C2CD2: variants seen among roughly 807,000 people sequenced by gnomAD.
The protein encoded by C2CD2 is C2 domain-containing protein 2.
Under a neutral mutation model 74.3 loss-of-function variants are expected in C2CD2, and 43 were observed. The observed-to-expected ratio is 0.58, with a 90% CI of 0.45 to 0.75. C2CD2 has a LOEUF of 0.75. C2CD2 is among the 30% of genes least tolerant of loss of function. The probability of loss-of-function intolerance (pLI) is 0.00; values close to 1 mark genes in which losing one functional copy is unlikely to be tolerated. For synonymous variants in C2CD2, 422 were observed against 390.7 expected, an observed-to-expected ratio of 1.08 and a Z score of -0.94; for missense variants, 801 against 916.3, an observed-to-expected ratio of 0.87 and a Z score of 1.63.
chr21:41,952,994 A>C, intron 1 of C2CD2: 3 of 216,550 alleles, frequency 1.4e-5, no homozygotes, highest in Non-Finnish European at 9.1e-6. Context: ...GGTCACAGCT[A>C]TTCATGTATC....
chr21:41,952,290 G>C (rs1395504939), intron 1 of C2CD2, among the ~76,000 whole-genome samples: 1 of 152,230 alleles, frequency 6.6e-6, no homozygotes, highest in African/African-American at 2.4e-5. Flanking sequence ...GATAGTCAAA[G>C]CTTTTTTGTT....
intron 2 of C2CD2, among the ~76,000 whole-genome samples, chr21:41,932,660 G>A (rs1193521438): frequency 6.6e-6 from 1 of 150,730 alleles, no homozygotes; most frequent in African/African-American, 2.4e-5. Flanking sequence ...CCAAAGTGTT[G>A]TGAGTAAACA....
At position 41,926,374 on chromosome 21, in the gene C2CD2, C is replaced by T. The variant is rs1350525252; in HGVS notation, c.379-4289G>A. The T allele has an allele frequency of 1.0e-6, 1 of 960,070 alleles. No individual in the cohort carries two copies. Among genetic ancestry groups the T allele is most frequent in the Non-Finnish European group, 1.2e-6 (1 of 806,902 alleles). 59.5% of individuals were successfully genotyped at this position (960,070 alleles called of 1,614,324 possible). Reference sequence around the variant, plus strand: ...GGCTATTCACGGTAAGTCAGGGTCTCCACATGGAAAGGCCAAGGGGGGACT... The same window carrying T: ...GGCTATTCACGGTAAGTCAGGGTCTTCACATGGAAAGGCCAAGGGGGGACT... On this transcript the variant is annotated intron_variant, in intron 2 of 13. Coordinates refer to ENST00000380486, the MANE Select transcript of C2CD2 (RefSeq NM_015500.2). This position sits in a 1 kb window ranked among gnomAD's most constrained non-coding sequence, Gnocchi z 8.0.
At position 41,945,611 on chromosome 21, in the gene C2CD2, GT is replaced by G. The variant is rs766208257; in HGVS notation, c.280-3367del. Among the ~76,000 whole-genome samples the G allele has an allele frequency of 6.6e-6, 1 of 152,178 alleles. No individual in the cohort carries two copies. Among genetic ancestry groups the G allele is most frequent in the Non-Finnish European group, 1.5e-5 (1 of 68,022 alleles). ...TAAGCAACTGATTCGGTTTGGCTCT[GT>G]TTGTAACCACCATGTGTCAAGAGAG... On this transcript the variant is annotated intron_variant, in intron 1 of 13. Transcript: ENST00000380486. The surrounding 1 kb of genome is among the most constrained non-coding windows in gnomAD (Gnocchi z 4.2).
Position 41,926,393 on chromosome 21 carries a change from G to T in C2CD2, c.379-4308C>A. On this transcript the variant is annotated intron_variant, in intron 2 of 13. Coordinates refer to ENST00000380486, the MANE Select transcript of C2CD2 (RefSeq NM_015500.2). The surrounding 1 kb of genome is among the most constrained non-coding windows in gnomAD (Gnocchi z 8.0). ...GGGTCTCCACATGGAAAGGCCAAGG[G>T]GGGACTCACGGTTGGCAGGTGAGGG... 1.0e-6 allele frequency: 1 copy of T among 980,048 alleles called. No homozygotes were observed. The highest frequency in any genetic ancestry group is 1.2e-6 in the Non-Finnish European group (1 of 825,052). The allele number at this position is 980,048 out of a possible 1,614,324, so 60.7% of individuals were successfully genotyped here. A position where few individuals can be genotyped will look rare whatever the true frequency, so the allele number is the denominator to read the frequency against.
Position 41,953,377 on chromosome 21 carries a change from C to CT in C2CD2, c.271dup (p.Arg91LysfsTer11). ...GCAGTCCCGGAAACTCACCCCTTTC[C>CT]TCTCGGCCTCCTCGTTCAGGGCGGT... On this transcript the variant is annotated frameshift_variant, in exon 1 of 14. Transcript: ENST00000380486. LOFTEE classifies it high-confidence loss of function. The CT allele has an allele frequency of 7.0e-7, 1 of 1,420,028 alleles. No individual in the cohort carries two copies. The highest frequency in any genetic ancestry group is 9.2e-7 in the Non-Finnish European group (1 of 1,083,912). 88.0% of individuals were successfully genotyped at this position (1,420,028 alleles called of 1,614,324 possible).
intron 11 of C2CD2, among the ~76,000 whole-genome samples, chr21:41,904,571 A>AGGAGGGGCAGGGCCTGCGTCCC (rs1244680858): frequency 2.0e-5 from 3 of 152,200 alleles, no homozygotes; most frequent in Non-Finnish European, 2.9e-5. Flanking sequence ...TGGTAACGAA[A>AGGAGGGGCAGGGCCTGCGTCCC]GGAGGGGCAG....
intron 4 of C2CD2, 64 bp downstream of exon 4, chr21:41,918,792 A>T (rs2065121968): frequency 7.9e-7 from 1 of 1,262,802 alleles, no homozygotes; most frequent in African/African-American, 1.5e-5. Flanking sequence ...TCCCCACCGC[A>T]GACTGTCCTA....
In C2CD2 at chr21:41,953,666, C is replaced by A; in HGVS notation, c.-18G>T. On this transcript the variant is annotated 5_prime_UTR_variant, in exon 1 of 14. Transcript: ENST00000380486. ...ATGGCCATGGCGCATCCCCGGCCCG[C>A]CTCGCCCCAACTTCCCCGGCAGCCC... is the stretch of plus-strand genomic sequence containing the variant. 1 of 1,393,860 alleles carries A rather than the reference C, an allele frequency of 7.2e-7. No homozygotes were observed. The highest frequency in any genetic ancestry group is 1.5e-5 in the South Asian group (1 of 65,080). The allele number at this position is 1,393,860 out of a possible 1,614,324, so 86.3% of individuals were successfully genotyped here.
intron 3 of C2CD2, 52 bp from the exon 4 acceptor site, chr21:41,919,012 G>A: frequency 7.9e-7 from 1 of 1,267,056 alleles, no homozygotes; most frequent in Non-Finnish European, 1.2e-6. Context: ...AAGCCTTAAT[G>A]TGCACGTGCG....
chr21:41,948,891 T>TTTTTTTTG (rs2065426470), intron 1 of C2CD2, among the ~76,000 whole-genome samples: 1 of 123,838 alleles, frequency 8.1e-6, no homozygotes, highest in African/African-American at 3.3e-5. Context: ...TTTTTTTTTT[T>TTTTTTTTG]TCTTTTTTTT....
At chr21:41,918,320 TAGGA>T in intron 4 of C2CD2, 93 bp from the exon 5 acceptor site, 1 of 1,345,700 alleles carries the variant, frequency 7.4e-7, no homozygotes. Context: ...CCATGCAAAG[TAGGA>T]AGGAAGGAAA....
chr21:41,953,328 C>G, intron 1 of C2CD2, 42 bp downstream of exon 1: 1 of 1,330,770 alleles, frequency 7.5e-7, no homozygotes, highest in Non-Finnish European at 9.8e-7. Flanking sequence ...ACCGCCCGCC[C>G]CGGCATCTGC....
Position 41,899,885 on chromosome 21 carries a change from G to A in C2CD2, c.1561-523C>T, listed in dbSNP as rs553038488. ...AGAGTCGGGATAGCGCTTCCTTGGA[G>A]GGGGGAAAGTTTGGGGAGGAGGGCA... On this transcript the variant is annotated intron_variant, in intron 12 of 13. Coordinates refer to ENST00000380486, the MANE Select transcript of C2CD2 (RefSeq NM_015500.2). The surrounding 1 kb of genome is among the most constrained non-coding windows in gnomAD (Gnocchi z 4.4). Among the ~76,000 whole-genome samples the A allele has an allele frequency of 6.6e-6, 1 of 151,894 alleles. No individual in the cohort carries two copies. Among genetic ancestry groups the A allele is most frequent in the East Asian group, 1.9e-4 (1 of 5,188 alleles).
intron 10 of C2CD2, among the ~76,000 whole-genome samples, chr21:41,906,610 C>T (rs2146165461): frequency 6.6e-6 from 1 of 152,292 alleles, no homozygotes; most frequent in African/African-American, 2.4e-5. Context: ...GGTGATCTGC[C>T]CGCCTCGGCT....
chr21:41,899,391 GGGATAC>G lies in C2CD2; in HGVS notation c.1561-35_1561-30del. ...TCAGGGGCAGTGGGGAAGATGACAAGGGATACATGAAAGGAAGGGAGGGTTTGAAAA... is the reference window on the plus strand; with the variant it reads ...TCAGGGGCAGTGGGGAAGATGACAAGATGAAAGGAAGGGAGGGTTTGAAAA... On this transcript the variant is annotated intron_variant, in intron 12 of 13. Coordinates refer to ENST00000380486, the MANE Select transcript of C2CD2 (RefSeq NM_015500.2). This position sits in a 1 kb window ranked among gnomAD's most constrained non-coding sequence, Gnocchi z 4.4. 5 of 1,587,924 alleles carry G rather than the reference GGGATAC, an allele frequency of 3.1e-6. No individual in the cohort carries two copies. The highest frequency in any genetic ancestry group is 3.4e-6 in the Non-Finnish European group (4 of 1,170,840).
rs1052444161 is a variant in C2CD2 at position 41,945,158 on chromosome 21, G to C, written c.280-2913C>G. Among the ~76,000 whole-genome samples the C allele has an allele frequency of 3.3e-5, 5 of 152,164 alleles. No individual in the cohort carries two copies. Among genetic ancestry groups the C allele is most frequent in the African/African-American group, 1.2e-4 (5 of 41,428 alleles). On this transcript the variant is annotated intron_variant, in intron 1 of 13. Coordinates refer to ENST00000380486, the MANE Select transcript of C2CD2 (RefSeq NM_015500.2). This position sits in a 1 kb window ranked among gnomAD's most constrained non-coding sequence, Gnocchi z 4.2. ...GTGCAATGTCTTACTCTTGGAGAAG[G>C]GAGTTAAGAATAAGAAAGTGAAAAA... is the stretch of plus-strand genomic sequence containing the variant.
Position 41,903,519 on chromosome 21 carries a change from A to G in C2CD2, c.1433-1770T>C, listed in dbSNP as rs2064923745. Among the ~76,000 whole-genome samples the G allele has an allele frequency of 6.6e-6, 1 of 152,206 alleles. No individual in the cohort carries two copies. The highest frequency in any genetic ancestry group is 1.5e-5 in the Non-Finnish European group (1 of 68,042). On this transcript the variant is annotated intron_variant, in intron 11 of 13. Transcript: ENST00000380486. The surrounding 1 kb of genome is among the most constrained non-coding windows in gnomAD (Gnocchi z 4.5). ...AAATTGCTTGCCATAGAAAATCTAC[A>G]CATTTGGCGTCAGGAGTGTTGTGAG...
At position 41,892,568 on chromosome 21, in the gene C2CD2, G is replaced by A. The variant is rs1249884100; in HGVS notation, c.1871-3224C>T. On this transcript the variant is annotated intron_variant, in intron 13 of 13. Transcript: ENST00000380486. The surrounding 1 kb of genome is among the most constrained non-coding windows in gnomAD (Gnocchi z 4.6). ...AGTGAAGCAGCATCCTCAGCCCCGA[G>A]CCCTCCAAACAACAGGCCTCTAAGG... Among the ~76,000 whole-genome samples, 1 of 152,212 alleles carries A rather than the reference G, an allele frequency of 6.6e-6. No homozygotes were observed. The highest frequency in any genetic ancestry group is 1.5e-5 in the Non-Finnish European group (1 of 68,034).
Sources: allele counts gnomAD v4.1 joint callset (sites outside exome capture counted in the v4.1 genomes callset), GRCh38; gene constraint gnomAD v4.1.1; non-coding constraint Gnocchi (gnomAD v3.1); transcripts MANE v1.5; gene names NCBI Gene and HGNC (gene_info 2026-07-23, HGNC 2026-07-21).